Variants in DNAI7 observed in about 807,000 individuals in gnomAD.
The protein encoded by DNAI7 is dynein axonemal intermediate chain 7.
In DNAI7, 78 loss-of-function variants were observed where a neutral mutation model predicts 86.6. The observed-to-expected ratio is 0.90, with a 90% confidence interval of 0.75 to 1.09. The LOEUF (loss-of-function observed/expected upper bound fraction) is 1.09, where lower values mean the gene tolerates loss of function less well. Among genes scored for constraint, DNAI7 ranks in the 50% least tolerant of loss-of-function variants. The pLI, the probability that DNAI7 is intolerant of heterozygous loss-of-function variation, is 0.00. For synonymous variants in DNAI7, 274 were observed against 273.0 expected, an observed-to-expected ratio of 1.00 and a Z score of -0.04; for missense variants, 753 against 810.2, an observed-to-expected ratio of 0.93 and a Z score of 0.86.
rs1422255572 is a variant in DNAI7, at chr12:25,144,686, A to G, written c.690-9T>C. On this transcript the variant is annotated splice_polypyrimidine_tract_variant and intron_variant, in intron 8 of 15. Transcript: ENST00000395987. ...ATCTAACACTTCTGTGCCTGTTAAT[A>G]ATTAATTACAACAAAAAAAGATGAG... 12 of 1,593,782 alleles carry G rather than the reference A, an allele frequency of 7.5e-6. No homozygotes were observed. Among genetic ancestry groups the G allele is most frequent in the Non-Finnish European group, 1.0e-5 (12 of 1,169,374 alleles).
chr12:25,122,261 G>A (rs1020741337), intron 10 of DNAI7, among the ~76,000 whole-genome samples: 2 of 151,890 alleles, frequency 1.3e-5, no homozygotes, highest in Non-Finnish European at 2.9e-5. Context: ...AGTTTAAAAC[G>A]AGTCTGGGCA....
intron 13 of DNAI7, 81 bp from the exon 14 acceptor site, chr12:25,112,020 CT>C: frequency 1.2e-6 from 1 of 837,262 alleles, no homozygotes; most frequent in Non-Finnish European, 1.8e-6. Context: ...CCTTTAGATG[CT>C]TTATACATTT....
intron 9 of DNAI7, among the ~76,000 whole-genome samples, chr12:25,133,245 A>G (rs561678622): frequency 1.3e-5 from 2 of 152,112 alleles, no homozygotes; most frequent in South Asian, 4.2e-4. Flanking sequence ...TGTTATATCA[A>G]ACTCATCCTG....
chr12:25,160,108 T>A (rs1173129633), intron 3 of DNAI7, among the ~76,000 whole-genome samples: 1 of 151,920 alleles, frequency 6.6e-6, no homozygotes, highest in Non-Finnish European at 1.5e-5. Flanking sequence ...AATTTCTTTT[T>A]TTGTTTTGTT....
intron 6 of DNAI7, among the ~76,000 whole-genome samples, chr12:25,153,764 T>G (rs936676835): frequency 6.6e-6 from 1 of 152,350 alleles, no homozygotes; most frequent in South Asian, 2.1e-4. Context: ...TTTACCTTAC[T>G]TTTTTTGATT....
chr12:25,162,611 G>A (rs752932551), intron 2 of DNAI7, among the ~76,000 whole-genome samples: 5 of 152,198 alleles, frequency 3.3e-5, no homozygotes, highest in Non-Finnish European at 5.9e-5. Flanking sequence ...TCTCTAAGAT[G>A]CTCATAGACT....
At chr12:25,185,672 C>A in intron 2 of DNAI7, 3 of 486,434 alleles carry the variant, frequency 6.2e-6, no homozygotes, top group Non-Finnish European at 5.3e-6. Flanking sequence ...TTAAAAGATG[C>A]AATTTTAATG....
At chr12:25,154,041 G>C (rs1173117177) in intron 6 of DNAI7, among the ~76,000 whole-genome samples, 1 of 151,882 alleles carries the variant, frequency 6.6e-6, no homozygotes, top group Non-Finnish European at 1.5e-5. Context: ...CCCCACCCGA[G>C]TTATCTACAT....
rs146297198 is a variant in DNAI7 at position 25,108,768 on chromosome 12, A to T, written c.1949T>A (p.Met650Lys). The change falls in exon 16 of 16, where the codon ATG becomes AAG. Residue 650 changes from methionine to lysine, a missense_variant. Coordinates refer to ENST00000395987, the MANE Select transcript of DNAI7 (RefSeq NM_018272.5). ...CTENPNWALLMFSGDRAQRLK... is the reference protein window; with the variant it reads ...CTENPNWALLKFSGDRAQRLK... ...TCTTTGTGCTCTGTCACCACTAAAC[A>T]TTAAAAGGGCCCAATTAGGATTCTC... 1 of 1,510,230 alleles carries T rather than the reference A, an allele frequency of 6.6e-7. No individual in the cohort carries two copies. The highest frequency in any genetic ancestry group is 9.0e-7 in the Non-Finnish European group (1 of 1,114,890). The allele number at this position is 1,510,230 out of a possible 1,614,324, so 93.6% of individuals were successfully genotyped here.
In DNAI7 at chr12:25,121,924, TC is replaced by T; in HGVS notation, c.1079-12del. On this transcript the variant is annotated splice_polypyrimidine_tract_variant and intron_variant, in intron 10 of 15. Coordinates refer to ENST00000395987, the MANE Select transcript of DNAI7 (RefSeq NM_018272.5). ...CCAGCAACAACTGTGCTAAAATTAA[TC>T]AGATTAACAGTTTTCAAATAGATTA... 6.4e-7 allele frequency: 1 copy of T among 1,556,764 alleles called. No individual in the cohort carries two copies. The highest frequency in any genetic ancestry group is 8.7e-7 in the Non-Finnish European group (1 of 1,155,194).
intron 2 of DNAI7, among the ~76,000 whole-genome samples, chr12:25,168,735 G>T (rs551499415): frequency 2.0e-5 from 3 of 152,230 alleles, no homozygotes; most frequent in African/African-American, 7.2e-5. Flanking sequence ...TAATTACGCT[G>T]CACCCCCTGG....
intron 5 of DNAI7, 58 bp from the exon 6 acceptor site, chr12:25,154,514 T>C: frequency 6.5e-7 from 1 of 1,546,754 alleles, no homozygotes; most frequent in Non-Finnish European, 8.7e-7. Context: ...AAAGATTAAA[T>C]GACTTCTTTT....
At chr12:25,144,853 A>C (rs1477385482) in intron 8 of DNAI7, among the ~76,000 whole-genome samples, 176 bp from the exon 9 acceptor site, 3 of 152,084 alleles carry the variant, frequency 2.0e-5, no homozygotes, top group Non-Finnish European at 4.4e-5. Context: ...TCCTTCTCAA[A>C]ACAGTTTATT....
rs1187375887 is a variant in DNAI7 at position 25,174,617 on chromosome 12, TATATATGGGATATATATC to T, written c.22-13438_22-13421del. 7.7e-5 allele frequency among the ~76,000 whole-genome samples: 10 copies of T among 130,544 alleles called. 1 individual carries two copies. Among genetic ancestry groups the T allele is most frequent in the African/African-American group, 2.7e-4 (9 of 33,532 alleles). The allele number at this position is 130,544 out of a possible 152,430, so 85.6% of individuals were successfully genotyped here. On this transcript the variant is annotated intron_variant, in intron 2 of 15. Transcript: ENST00000395987. ...GGATATATATATGATATATATATCA[TATATATGGGATATATATC>T]ATATATATGGAATATAGATATCATA...
At chr12:25,190,783 T>C in intron 1 of DNAI7, 152 bp from the exon 2 acceptor site, 1 of 402,170 alleles carries the variant, frequency 2.5e-6, no homozygotes, top group Non-Finnish European at 4.6e-6. Flanking sequence ...CTTGCAAATC[T>C]AAAATTATCC....
chr12:25,178,811 CTT>C (rs1323284101), intron 2 of DNAI7, among the ~76,000 whole-genome samples: 13 of 152,008 alleles, frequency 8.6e-5, no homozygotes, highest in Non-Finnish European at 1.8e-4. Context: ...TAAGTGAAGA[CTT>C]GAAGGATATG....
At chr12:25,142,712 A>T (rs1386360670) in intron 9 of DNAI7, among the ~76,000 whole-genome samples, 1 of 152,216 alleles carries the variant, frequency 6.6e-6, no homozygotes, top group Non-Finnish European at 1.5e-5. Context: ...TGTTTTCAGG[A>T]ATATAAAATC....
chr12:25,157,222 G>A (rs1014574561), intron 4 of DNAI7, among the ~76,000 whole-genome samples: 1 of 145,142 alleles, frequency 6.9e-6, no homozygotes, highest in African/African-American at 2.6e-5. Context: ...AGCTTGCAGA[G>A]AGCAGAGATT....
rs559443830 is a variant in DNAI7, at chr12:25,185,501, G to A, written c.21+5113C>T. Among the ~76,000 whole-genome samples, 15 of 152,146 alleles carry A rather than the reference G, an allele frequency of 9.9e-5. No homozygotes were observed. In the South Asian group the frequency reaches 2.1e-3, roughly 21 times the overall value. ...TTACCTAATTGGCAAAACTGTTTTC[G>A]AACTTAAACTAAATGGCCATATTAG... On this transcript the variant is annotated intron_variant, in intron 2 of 15. Transcript: ENST00000395987.
Sources: allele counts gnomAD v4.1 joint callset (sites outside exome capture counted in the v4.1 genomes callset), GRCh38; gene constraint gnomAD v4.1.1; transcripts MANE v1.5; gene names NCBI Gene and HGNC (gene_info 2026-07-23, HGNC 2026-07-21).